The following DDI2 variants were observed in gnomAD, a reference collection of about 807,000 sequenced individuals.
DDI2 encodes the protein DDI proteasomal shuttling factor 2, also known as protein DDI1 homolog 2.
A neutral mutation model predicts 48.1 loss-of-function variants in DDI2; 5 were observed. That is an observed-to-expected ratio of 0.10 (90% CI 0.05 to 0.22). The LOEUF (loss-of-function observed/expected upper bound fraction) is 0.22. DDI2 is among the 10% of genes least tolerant of loss of function. The probability of loss-of-function intolerance (pLI) is 1.00; values close to 1 mark genes in which losing one functional copy is unlikely to be tolerated. For synonymous variants in DDI2, 205 were observed against 183.6 expected, an observed-to-expected ratio of 1.12 and a Z score of -0.94; for missense variants, 285 against 506.2, an observed-to-expected ratio of 0.56 and a Z score of 4.19.
chr1:15,651,121 G>A (rs552795572), intron 7 of DDI2, among the ~76,000 whole-genome samples: 4 of 152,242 alleles, frequency 2.6e-5, no homozygotes, highest in South Asian at 2.1e-4. Flanking sequence ...CCAAAGTGCC[G>A]GGATTACAGG....
intron 5 of DDI2, among the ~76,000 whole-genome samples, chr1:15,641,709 C>G (rs1640010500): frequency 6.6e-6 from 1 of 151,928 alleles, no homozygotes; most frequent in South Asian, 2.1e-4. Context: ...AATCCCAGCA[C>G]TTTGGGAGGC....
rs1047682760 is a variant in DDI2, at chr1:15,649,915, C to CT, written c.993+93dup. Reference sequence around the variant, plus strand: ...TTTATTGGTTACATATACTGGAAAACTAAGAAATAACGACTTTTCAAACCT... The same window carrying CT: ...TTTATTGGTTACATATACTGGAAAACTTAAGAAATAACGACTTTTCAAACCT... On this transcript the variant is annotated intron_variant, in intron 7 of 9. Transcript: ENST00000480945. 24 of 1,272,296 alleles carry CT rather than the reference C, an allele frequency of 1.9e-5. No individual in the cohort carries two copies. In the African/African-American group the frequency reaches 3.1e-4, roughly 16 times the overall value. The allele number at this position is 1,272,296 out of a possible 1,614,324, so 78.8% of individuals were successfully genotyped here. A position where few individuals can be genotyped will look rare whatever the true frequency, so the allele number is the denominator to read the frequency against.
rs1371842922 is a variant in DDI2 at position 15,659,827 on chromosome 1, T to C, written c.*47-10T>C. The C allele has an allele frequency of 4.6e-6, 7 of 1,516,246 alleles. No individual in the cohort carries two copies. The highest frequency in any genetic ancestry group is 6.1e-6 in the Non-Finnish European group (7 of 1,139,370). The allele number at this position is 1,516,246 out of a possible 1,614,324, so 93.9% of individuals were successfully genotyped here. On this transcript the variant is annotated splice_polypyrimidine_tract_variant and intron_variant, in intron 9 of 9. Coordinates refer to ENST00000480945, the MANE Select transcript of DDI2 (RefSeq NM_032341.5). ...ATTAATCTTTTTCCTTTCCCCTGTG[T>C]TCCATATAGAGAAAAGTGGTAAAGA... is the stretch of plus-strand genomic sequence containing the variant.
chr1:15,660,929 C>T lies in DDI2; in HGVS notation c.*1139C>T. ...GAAGAATCTTGCCCGTCTATAACGG[C>T]AGCCTTGAAAGAACTTCATGAACTT... On this transcript the variant is annotated 3_prime_UTR_variant, in exon 10 of 10. Transcript: ENST00000480945. 1 of 1,613,302 alleles carries T rather than the reference C, an allele frequency of 6.2e-7. No homozygotes were observed.
intron 4 of DDI2, among the ~76,000 whole-genome samples, chr1:15,636,204 T>TC (rs1489471426): frequency 6.6e-6 from 1 of 152,208 alleles, no homozygotes; most frequent in African/African-American, 2.4e-5. Flanking sequence ...CGATCATGGC[T>TC]CATAGCCTCA....
chr1:15,663,059 T>C lies in DDI2; in HGVS notation c.*3269T>C, dbSNP rs1640405111. 6.6e-6 allele frequency: 1 copy of C among 152,214 alleles called. No homozygotes were observed. Among genetic ancestry groups the C allele is most frequent in the Non-Finnish European group, 1.5e-5 (1 of 68,036 alleles). 9.4% of individuals were successfully genotyped at this position (152,214 alleles called of 1,614,324 possible). On this transcript the variant is annotated 3_prime_UTR_variant, in exon 10 of 10. Transcript: ENST00000480945. ...TACTGGATAGGTTTTAGATAATTCTTTCCTGGCAAACTGCTCTTTTGGGTA... is the reference window on the plus strand; with the variant it reads ...TACTGGATAGGTTTTAGATAATTCTCTCCTGGCAAACTGCTCTTTTGGGTA...
At chr1:15,657,498 C>T (rs1488098772) in intron 9 of DDI2, among the ~76,000 whole-genome samples, 1 of 152,190 alleles carries the variant, frequency 6.6e-6, no homozygotes, top group Non-Finnish European at 1.5e-5. Context: ...TCCTGTCATT[C>T]TGTAAACTGA....
chr1:15,656,516 C>A (rs902169744), intron 8 of DDI2, 101 bp from the exon 9 acceptor site: 12 of 1,608,276 alleles, frequency 7.5e-6, no homozygotes, highest in Middle Eastern at 1.7e-4. Context: ...CTACCAGTTC[C>A]TGATTTTAAA....
At position 15,651,678 on chromosome 1, in the gene DDI2, T is replaced by A. The variant is rs758423020; in HGVS notation, c.994-28T>A. ...TTTTTCTGCATGGTGTTTTATCTGCTATTATTCTTTGGTTTCTTTCTTCCA... is the reference window on the plus strand; with the variant it reads ...TTTTTCTGCATGGTGTTTTATCTGCAATTATTCTTTGGTTTCTTTCTTCCA... On this transcript the variant is annotated intron_variant, in intron 7 of 9. Coordinates refer to ENST00000480945, the MANE Select transcript of DDI2 (RefSeq NM_032341.5). The A allele has an allele frequency of 1.9e-6, 3 of 1,580,714 alleles. No individual in the cohort carries two copies. The South Asian group carries it at 3.5e-5, about 18-fold the overall frequency.
In DDI2 at chr1:15,643,530, A is replaced by T; in HGVS notation, c.769A>T (p.Met257Leu). The part of the protein sequence containing the change: ...VKAFVDSGAQ[M>L]TIMSQACAER... ...TTTCTCTACTCCTCCAGGTGCCCAG[A>T]TGACTATCATGAGCCAAGCTTGTGC... Residue 257 changes from methionine (M) to leucine (L), a missense_variant, in exon 6 of 10, where the codon ATG becomes TTG. By Grantham distance (15) the Met-to-Leu change is conservative (BLOSUM62 2). Around this residue, in one of 3 missense-constraint regions of DDI2, gnomAD observed 70 missense variants for 182.3 expected, o/e 0.38. Transcript: ENST00000480945. 1 of 1,612,928 alleles carries T rather than the reference A, an allele frequency of 6.2e-7. No homozygotes were observed.
Position 15,620,685 on chromosome 1 carries a change from T to C in DDI2, c.138+2877T>C, listed in dbSNP as rs72871769. On this transcript the variant is annotated intron_variant, in intron 1 of 9. Transcript: ENST00000480945. ...AATGTTTCAGATTATGCTTCTGTTA[T>C]GTATATAATACATTATATACATGAA... Among the ~76,000 whole-genome samples, 901 of 152,328 alleles carry C rather than the reference T, an allele frequency of 5.9e-3. 9 individuals carry two copies. Among genetic ancestry groups the C allele is most frequent in the African/African-American group, 0.02 (847 of 41,566 alleles).
chr1:15,642,277 C>G (rs1186369113), intron 5 of DDI2, among the ~76,000 whole-genome samples: 1 of 152,152 alleles, frequency 6.6e-6, no homozygotes, highest in Non-Finnish European at 1.5e-5. Flanking sequence ...GGCCAACCCG[C>G]CGTGTACATG....
intron 6 of DDI2, among the ~76,000 whole-genome samples, chr1:15,645,182 G>A (rs556907433): frequency 6.7e-4 from 102 of 152,312 alleles, no homozygotes; most frequent in African/African-American, 2.4e-3. Context: ...GTGAGCCACC[G>A]TTCCCAGCCT....
In DDI2 at chr1:15,660,799, C is replaced by T. The variant is rs761682953; in HGVS notation, c.*1009C>T. ...TGATTCCATTTCCACTCAGGATTTACAGCCCCCAGAAACTAATGTTGAAAT... is the reference window on the plus strand; with the variant it reads ...TGATTCCATTTCCACTCAGGATTTATAGCCCCCAGAAACTAATGTTGAAAT... On this transcript the variant is annotated 3_prime_UTR_variant, in exon 10 of 10. Transcript: ENST00000480945. 4 of 1,614,074 alleles carry T rather than the reference C, an allele frequency of 2.5e-6. No homozygotes were observed. Among genetic ancestry groups the T allele is most frequent in the South Asian group, 1.1e-5 (1 of 91,064 alleles).
In DDI2 at chr1:15,626,722, T is replaced by C. The variant is rs561921842; in HGVS notation, c.192T>C (p.Tyr64=). The C allele has an allele frequency of 3.7e-6, 6 of 1,614,200 alleles. No homozygotes were observed. Among genetic ancestry groups the C allele is most frequent in the East Asian group, 2.2e-5 (1 of 44,892 alleles). ...LTDNHRSLAS[Y]GLKDGDVVIL... ...ACAACCACAGATCATTGGCTTCTTA[T>C]GGCTTGAAAGATGGGGACGTTGTGA... The change falls in exon 2 of 10, where the codon TAT becomes TAC. Residue 64 remains tyrosine (Y), a synonymous_variant. Transcript: ENST00000480945.
chr1:15,651,375 G>A (rs748829844), intron 7 of DDI2, among the ~76,000 whole-genome samples: 58 of 152,044 alleles, frequency 3.8e-4, no homozygotes, highest in Non-Finnish European at 7.2e-4. Context: ...ATTGCCTTGC[G>A]TGGCACAATC....
At chr1:15,639,905 G>A (rs529518388) in intron 5 of DDI2, among the ~76,000 whole-genome samples, 2 of 152,184 alleles carry the variant, frequency 1.3e-5, no homozygotes, top group African/African-American at 4.8e-5. Flanking sequence ...CTACGGGGGA[G>A]GCTGAGGTGG....
intron 6 of DDI2, among the ~76,000 whole-genome samples, chr1:15,648,737 A>T (rs186048575): frequency 1.1e-3 from 160 of 151,912 alleles, no homozygotes; most frequent in Admixed American, 2.2e-3. Context: ...ACACCACACA[A>T]AAGCAAATTC....
At chr1:15,649,049 TATAGCG>T (rs1314530830) in intron 6 of DDI2, among the ~76,000 whole-genome samples, 3 of 151,634 alleles carry the variant, frequency 2.0e-5, no homozygotes, top group Non-Finnish European at 4.4e-5. Flanking sequence ...GCCTGGTCAA[TATAGCG>T]AGACTCAATC....
Sources: gnomAD v4.1 joint callset for allele counts (sites outside exome capture counted in the v4.1 genomes callset) on GRCh38, gnomAD v4.1.1 for gene constraint, gnomAD v4.1.1 regional missense constraint, MANE v1.5 for transcripts, NCBI Gene and HGNC (gene_info 2026-07-23, HGNC 2026-07-21) for gene names.